Variants in DLC1 observed in about 807,000 individuals in gnomAD.
DLC1 encodes the protein DLC1 Rho GTPase activating protein.
In DLC1, 54 loss-of-function variants were observed where a neutral mutation model predicts 140.3. The ratio of observed to expected loss-of-function variants is 0.38; its 90% CI spans 0.31 to 0.48. The LOEUF (loss-of-function observed/expected upper bound fraction) is 0.48. DLC1 is among the 20% of genes least tolerant of loss of function. DLC1 has a pLI of 0.96. For synonymous variants in DLC1, 986 were observed against 728.1 expected (o/e 1.35, Z -5.70); for missense variants, 2,536 against 1,907.0 (o/e 1.33, Z -6.14).
At chr8:13,201,006 G>C (rs558771640) in intron 5 of DLC1, among the ~76,000 whole-genome samples, 2 of 152,148 alleles carry the variant, frequency 1.3e-5, no homozygotes, top group African/African-American at 4.8e-5. Flanking sequence ...AGTTGATTCA[G>C]ATTACTGAGT....
chr8:13,173,081 A>G (rs954571217), intron 5 of DLC1, among the ~76,000 whole-genome samples: 19 of 152,220 alleles, frequency 1.2e-4, no homozygotes, highest in African/African-American at 4.3e-4. Context: ...GTGAACACCC[A>G]TATCTTAAAC....
At chr8:13,595,301 G>A (rs969734737) in intron 1 of DLC1, among the ~76,000 whole-genome samples, 16 of 151,746 alleles carry the variant, frequency 1.1e-4, no homozygotes, top group Non-Finnish European at 8.8e-5. Context: ...TTCCCACTGT[G>A]GTATTATAAA....
intron 5 of DLC1, among the ~76,000 whole-genome samples, chr8:13,184,838 A>G (rs13273679): frequency 0.6 from 90,645 of 151,966 alleles, 27,556 homozygotes; most frequent in East Asian, 0.86. Flanking sequence ...GCTGAGTTCA[A>G]GTCCTGGATA....
At chr8:13,454,528 A>G (rs751146964) in intron 2 of DLC1, among the ~76,000 whole-genome samples, 2 of 152,174 alleles carry the variant, frequency 1.3e-5, no homozygotes, top group Non-Finnish European at 2.9e-5. Flanking sequence ...GGTACATAAT[A>G]AAGAAGGAGG....
intron 6 of DLC1, among the ~76,000 whole-genome samples, chr8:13,113,095 G>T (rs987334439): frequency 1.3e-5 from 2 of 152,176 alleles, no homozygotes; most frequent in African/African-American, 2.4e-5. Flanking sequence ...GGTATTAAAT[G>T]CAAGTGAGGA....
At chr8:13,540,181 A>C (rs1052196004) in intron 1 of DLC1, among the ~76,000 whole-genome samples, 1 of 152,234 alleles carries the variant, frequency 6.6e-6, no homozygotes, top group Non-Finnish European at 1.5e-5. Context: ...ATTGAAAAAC[A>C]CAGGTATCAG....
chr8:13,086,241 A>T, intron 17 of DLC1, 49 bp downstream of exon 17: 1 of 1,572,794 alleles, frequency 6.4e-7, no homozygotes, highest in Non-Finnish European at 8.6e-7. Context: ...AAAAGTCAGA[A>T]TTTCCTTCAT....
chr8:13,417,434 C>T (rs536625591), intron 2 of DLC1, among the ~76,000 whole-genome samples: 1 of 150,058 alleles, frequency 6.7e-6, no homozygotes, highest in African/African-American at 2.5e-5. Flanking sequence ...TGTTCAATTC[C>T]CATCTATGAG....
chr8:13,488,648 G>A (rs1002198060), intron 2 of DLC1, among the ~76,000 whole-genome samples: 3 of 152,186 alleles, frequency 2.0e-5, no homozygotes, highest in Non-Finnish European at 4.4e-5. Context: ...CATCTGGAAA[G>A]GGATCCTCCC....
chr8:13,415,185 T>C (rs748092375), intron 2 of DLC1, among the ~76,000 whole-genome samples: 1 of 152,130 alleles, frequency 6.6e-6, no homozygotes, highest in Non-Finnish European at 1.5e-5. Flanking sequence ...TAAAACACTT[T>C]AGTGATTTTA....
chr8:13,289,993 T>C (rs1227088284), intron 5 of DLC1, among the ~76,000 whole-genome samples: 2 of 152,206 alleles, frequency 1.3e-5, no homozygotes, highest in Admixed American at 1.3e-4. Flanking sequence ...CAATACACTT[T>C]ATATTTTTGT....
chr8:13,174,038 C>T (rs1382950664), intron 5 of DLC1, among the ~76,000 whole-genome samples: 7 of 152,030 alleles, frequency 4.6e-5, no homozygotes, highest in Non-Finnish European at 5.9e-5. Context: ...CTATTATAGT[C>T]CCCAGTGTCT....
At chr8:13,571,750 T>C (rs560655816) in intron 1 of DLC1, among the ~76,000 whole-genome samples, 1 of 152,346 alleles carries the variant, frequency 6.6e-6, no homozygotes, top group African/African-American at 2.4e-5. Flanking sequence ...GATCACGTGG[T>C]AATTCTATGT....
At position 13,131,007 on chromosome 8, in the gene DLC1, C is replaced by A. The variant is rs144688831; in HGVS notation, c.1349-15350G>T. Among the ~76,000 whole-genome samples, 526 of 152,314 alleles carry A rather than the reference C, an allele frequency of 3.5e-3. 2 individuals are homozygous for A. Among genetic ancestry groups the A allele is most frequent in the African/African-American group, 0.012 (507 of 41,578 alleles). ...CACAAGAAATGTGAATACATGCAAT[C>A]GCCAACATTTTCTCAGAAAATGTCT... On this transcript the variant is annotated intron_variant, in intron 5 of 17. Transcript: ENST00000276297.
chr8:13,281,948 G>C (rs182059954), intron 5 of DLC1, among the ~76,000 whole-genome samples: 1 of 152,262 alleles, frequency 6.6e-6, no homozygotes, highest in Admixed American at 6.5e-5. Context: ...AGACAGCTTT[G>C]TGATCTTGGG....
At chr8:13,581,753 C>T (rs1204200030) in intron 1 of DLC1, among the ~76,000 whole-genome samples, 1 of 152,124 alleles carries the variant, frequency 6.6e-6, no homozygotes, top group Non-Finnish European at 1.5e-5. Context: ...TAGAATAACA[C>T]CCAACCTCTT....
chr8:13,503,194 A>G (rs1478019269), intron 1 of DLC1, among the ~76,000 whole-genome samples: 2 of 152,082 alleles, frequency 1.3e-5, no homozygotes, highest in Non-Finnish European at 2.9e-5. Flanking sequence ...CACTTGAGCC[A>G]GGAGTTTCAG....
chr8:13,464,348 C>G (rs1039804453), intron 2 of DLC1, among the ~76,000 whole-genome samples: 6 of 152,130 alleles, frequency 3.9e-5, no homozygotes, highest in Admixed American at 3.9e-4. Flanking sequence ...AATTATAAGT[C>G]ATTATCCTTG....
intron 1 of DLC1, among the ~76,000 whole-genome samples, chr8:13,551,773 T>C (rs1803861842): frequency 6.6e-6 from 1 of 150,880 alleles, no homozygotes; most frequent in Non-Finnish European, 1.5e-5. Flanking sequence ...CATATGTATC[T>C]ATCAAACATA....
Sources: gnomAD v4.1 joint callset for allele counts (sites outside exome capture counted in the v4.1 genomes callset) on GRCh38, gnomAD v4.1.1 for gene constraint, MANE v1.5 for transcripts, NCBI Gene and HGNC (gene_info 2026-07-23, HGNC 2026-07-21) for gene names.